Variants in SLC36A1 observed in about 807,000 individuals in gnomAD.
SLC36A1 encodes proton-coupled amino acid transporter 1.
A neutral mutation model predicts 47.5 loss-of-function variants in SLC36A1; 30 were observed. The observed-to-expected ratio is 0.63, with a 90% CI of 0.47 to 0.86. SLC36A1 has a LOEUF of 0.86. Ranked by LOEUF, SLC36A1 falls within the 40% of genes least tolerant of loss-of-function variation. The pLI is 0.00. For synonymous variants in SLC36A1, 255 were observed against 249.7 expected, an observed-to-expected ratio of 1.02 and a Z score of -0.20; for missense variants, 517 against 606.0, an observed-to-expected ratio of 0.85 and a Z score of 1.54.
At chr5:151,521,742 C>T in the SLC36A1 span, 14 of 1,614,014 alleles carry the variant, frequency 8.7e-6, no homozygotes, top group South Asian at 3.3e-5. Flanking sequence ...GCCACACGTA[C>T]ACATGGACCC....
intron 1 of SLC36A1, among the ~76,000 whole-genome samples, chr5:151,442,426 G>A (rs1752680705): frequency 6.6e-6 from 1 of 152,088 alleles, no homozygotes; most frequent in African/African-American, 2.4e-5. Context: ...ACACAGTGAT[G>A]TATACAATGT....
At chr5:151,541,587 GA>G in the SLC36A1 span, among the ~76,000 whole-genome samples, 1 of 152,116 alleles carries the variant, frequency 6.6e-6, no homozygotes, top group Non-Finnish European at 1.5e-5. Flanking sequence ...CTGGGGATGA[GA>G]AAAAAAGGCC....
At chr5:151,484,818 T>C (rs1266603738) in intron 10 of SLC36A1, among the ~76,000 whole-genome samples, 3 of 152,208 alleles carry the variant, frequency 2.0e-5, no homozygotes, top group African/African-American at 7.2e-5. Context: ...GTGGTAGAGC[T>C]GAGGTTGGAG....
At chr5:151,507,235 G>C in the SLC36A1 span, 1 of 1,613,980 alleles carries the variant, frequency 6.2e-7, no homozygotes, top group South Asian at 1.1e-5. Flanking sequence ...GGGAGTCTGG[G>C]GGGCACACTG....
chr5:151,541,771 C>G, the SLC36A1 span, among the ~76,000 whole-genome samples: 557 of 152,338 alleles, frequency 3.7e-3, 3 homozygotes, highest in African/African-American at 0.013. Context: ...TTGAACTTCT[C>G]CATCTGGGCC....
chr5:151,505,946 A>G, the SLC36A1 span: 19 of 1,581,154 alleles, frequency 1.2e-5, no homozygotes, highest in East Asian at 2.2e-5. Flanking sequence ...GGAAGCCCCC[A>G]TAGAGGCCAT....
the SLC36A1 span, chr5:151,538,048 A>C: frequency 1.0e-6 from 1 of 993,688 alleles, no homozygotes; most frequent in Non-Finnish European, 1.5e-6. Context: ...AGAAAGAGAG[A>C]CACTAAGAGG....
At chr5:151,550,918 A>G in the SLC36A1 span, 22 of 1,584,556 alleles carry the variant, frequency 1.4e-5, no homozygotes, top group African/African-American at 3.0e-4. Context: ...CCCCAGGGGA[A>G]CAGGGACTGG....
chr5:151,538,036 GC>G, the SLC36A1 span: 1 of 1,188,086 alleles, frequency 8.4e-7, no homozygotes, highest in Non-Finnish European at 1.2e-6. Flanking sequence ...GGAGGCAGAA[GC>G]AGAAAGAGAG....
intron 7 of SLC36A1, among the ~76,000 whole-genome samples, chr5:151,473,191 TAGATAGA>T (rs1238291355): frequency 6.8e-6 from 1 of 148,128 alleles, no homozygotes; most frequent in Non-Finnish European, 1.5e-5. Context: ...GATAGATAGA[TAGATAGA>T]TAGATAGATA....
chr5:151,482,756 T>G (rs1331969215), intron 10 of SLC36A1, among the ~76,000 whole-genome samples: 2 of 152,224 alleles, frequency 1.3e-5, no homozygotes, highest in African/African-American at 4.8e-5. Flanking sequence ...TTTCGTATTT[T>G]TTAAATTTAT....
At chr5:151,526,565 C>A in the SLC36A1 span, among the ~76,000 whole-genome samples, 2 of 152,208 alleles carry the variant, frequency 1.3e-5, no homozygotes, top group Non-Finnish European at 2.9e-5. Context: ...AGAAACTGAT[C>A]GTTGCCTATC....
chr5:151,424,844 G>A, the SLC36A1 span, among the ~76,000 whole-genome samples: 1 of 151,088 alleles, frequency 6.6e-6, no homozygotes, highest in African/African-American at 2.5e-5. Context: ...GAGAGGGAGT[G>A]ACTGTAAATA....
At chr5:151,383,784 G>T in the SLC36A1 span, among the ~76,000 whole-genome samples, 1 of 152,116 alleles carries the variant, frequency 6.6e-6, no homozygotes, top group African/African-American at 2.4e-5. Context: ...TGTTGGCCAG[G>T]CTGGTCTCAA....
chr5:151,465,343 C>A (rs1756191975), intron 5 of SLC36A1, among the ~76,000 whole-genome samples, 174 bp downstream of exon 5: 3 of 152,192 alleles, frequency 2.0e-5, no homozygotes, highest in East Asian at 1.9e-4. Flanking sequence ...GGCTGGGTAA[C>A]CCCTTTTTTC....
chr5:151,537,352 AAAG>A, the SLC36A1 span, among the ~76,000 whole-genome samples: 10 of 86,738 alleles, frequency 1.2e-4, no homozygotes, highest in South Asian at 5.2e-4. Flanking sequence ...AGAAAAGAAA[AAAG>A]AAGGAAGGAA....
At chr5:151,381,702 C>T in the SLC36A1 span, among the ~76,000 whole-genome samples, 1 of 152,098 alleles carries the variant, frequency 6.6e-6, no homozygotes, top group Non-Finnish European at 1.5e-5. Context: ...ATCTTGTGGC[C>T]CCCACCCAGG....
the SLC36A1 span, chr5:151,531,448 A>T: frequency 8.4e-7 from 1 of 1,194,878 alleles, no homozygotes; most frequent in Non-Finnish European, 1.2e-6. The surrounding 1 kb of genome is among the most constrained non-coding windows in gnomAD (Gnocchi z 5.7). Flanking sequence ...GGAGAGAAGC[A>T]GAAGAGAATG....
chr5:151,474,334 G>A (rs1023997029), intron 8 of SLC36A1, among the ~76,000 whole-genome samples: 1 of 151,962 alleles, frequency 6.6e-6, no homozygotes, highest in Admixed American at 6.6e-5. Flanking sequence ...TCCTATGTGT[G>A]CAGTAAGGAA....
Sources: gnomAD v4.1 joint callset for allele counts (sites outside exome capture counted in the v4.1 genomes callset) on GRCh38, gnomAD v4.1.1 for gene constraint, Gnocchi (gnomAD v3.1) non-coding constraint, MANE v1.5 for transcripts, NCBI Gene and HGNC (gene_info 2026-07-23, HGNC 2026-07-21) for gene names.